CARS2: variants seen among roughly 807,000 people sequenced by gnomAD.
The protein encoded by CARS2 is probable cysteine--tRNA ligase, mitochondrial.
CARS2 carries 52 observed loss-of-function variants against 68.8 expected under a neutral mutation model. The observed-to-expected ratio is 0.76, with a 90% CI of 0.61 to 0.95. The LOEUF (loss-of-function observed/expected upper bound fraction) is 0.95. Among genes scored for constraint, CARS2 ranks in the 40% least tolerant of loss-of-function variants. The pLI, the probability that CARS2 is intolerant of heterozygous loss-of-function variation, is 0.00. For synonymous variants in CARS2, 314 were observed against 303.6 expected (o/e 1.03, Z -0.36); for missense variants, 780 against 754.2 (o/e 1.03, Z -0.40).
intron 5 of CARS2, among the ~76,000 whole-genome samples, chr13:110,686,614 T>C (rs1275760164): frequency 2.0e-5 from 3 of 152,026 alleles, no homozygotes; most frequent in Non-Finnish European, 4.4e-5. Flanking sequence ...TGGAGTACAA[T>C]GGTGTGATCT....
intron 12 of CARS2, chr13:110,645,731 A>AG (rs964766255): frequency 1.3e-5 from 6 of 471,598 alleles, no homozygotes; most frequent in African/African-American, 1.2e-4. Context: ...TCTCAGCCTC[A>AG]GGGGCTCCTG....
At chr13:110,642,587 C>T (rs750656672) in intron 13 of CARS2, 66 bp from the exon 14 acceptor site, 12 of 1,501,054 alleles carry the variant, frequency 8.0e-6, no homozygotes, top group Admixed American at 3.3e-5. Context: ...CCTCCCCACC[C>T]CGTGGTTGGG....
intron 3 of CARS2, among the ~76,000 whole-genome samples, chr13:110,695,583 G>A (rs968687895): frequency 1.2e-4 from 19 of 152,068 alleles, no homozygotes; most frequent in Admixed American, 2.6e-4. Flanking sequence ...AGGAACTTCC[G>A]GCACAGGCTG....
rs758758975 is a variant in CARS2 at position 110,687,832 on chromosome 13, AG to A, written c.466-7del. 1.9e-6 allele frequency: 3 copies of A among 1,594,480 alleles called. No homozygotes were observed. In the South Asian group the frequency reaches 3.3e-5, roughly 18 times the overall value. On this transcript the variant is annotated splice_polypyrimidine_tract_variant and splice_region_variant and intron_variant, in intron 4 of 14. Coordinates refer to ENST00000257347, the MANE Select transcript of CARS2 (RefSeq NM_024537.4). ...TACACCGTGGGTGGGAGAACCTGCA[AG>A]GAAGTGGAGACGTGACCGTGTTTCC... is the stretch of plus-strand genomic sequence containing the variant.
chr13:110,701,670 G>T, intron 2 of CARS2, 115 bp from the exon 3 acceptor site: 1 of 660,558 alleles, frequency 1.5e-6, no homozygotes, highest in Non-Finnish European at 2.8e-6. Flanking sequence ...GTAGCACAAT[G>T]GACAGGTCAG....
chr13:110,644,565 A>C (rs1448963822), intron 12 of CARS2, 82 bp from the exon 13 acceptor site: 38 of 1,575,880 alleles, frequency 2.4e-5, no homozygotes, highest in Non-Finnish European at 2.4e-5. Flanking sequence ...CAAAAGACAA[A>C]GGCTTCAGCA....
chr13:110,712,993 A>G lies in CARS2; in HGVS notation n.399+144T>C, dbSNP rs960595345. On this transcript the variant is annotated intron_variant and non_coding_transcript_variant, in intron 1 of 2. Transcript: ENST00000485188. ...CGCGGAATGGGTAGGTCTCCCGCGCACTCTGCGGCCGCAGCTCAAAGGACA... is the reference window on the plus strand; with the variant it reads ...CGCGGAATGGGTAGGTCTCCCGCGCGCTCTGCGGCCGCAGCTCAAAGGACA... 5.2e-6 allele frequency: 8 copies of G among 1,547,546 alleles called. No individual in the cohort carries two copies. In the African/African-American group the frequency reaches 5.5e-5, roughly 11 times the overall value.
At chr13:110,664,992 G>C (rs888056556) in intron 8 of CARS2, 1 of 984,978 alleles carries the variant, frequency 1.0e-6, no homozygotes, top group Non-Finnish European at 1.2e-6. Flanking sequence ...TAACAGGCTG[G>C]GATAGTGTCT....
At chr13:110,691,355 T>C (rs1188304540) in intron 3 of CARS2, among the ~76,000 whole-genome samples, 2 of 152,224 alleles carry the variant, frequency 1.3e-5, no homozygotes, top group Non-Finnish European at 2.9e-5. Flanking sequence ...CTTTTATCGC[T>C]GATATAATTT....
At chr13:110,694,636 C>CAAAACA (rs1566340832) in intron 3 of CARS2, among the ~76,000 whole-genome samples, 3 of 151,764 alleles carry the variant, frequency 2.0e-5, no homozygotes. Flanking sequence ...GACCCTGTCT[C>CAAAACA]AAAACAAAAA....
intron 6 of CARS2, 109 bp downstream of exon 6, chr13:110,682,942 G>A: frequency 1.6e-6 from 1 of 629,812 alleles, no homozygotes; most frequent in African/African-American, 1.9e-5. Flanking sequence ...ACCTGGGTAA[G>A]GCCAGTGTCT....
At chr13:110,693,486 A>G (rs1331187478) in intron 3 of CARS2, among the ~76,000 whole-genome samples, 1 of 151,984 alleles carries the variant, frequency 6.6e-6, no homozygotes, top group Non-Finnish European at 1.5e-5. Context: ...CAGCCTCCCG[A>G]GTAGCTGGGA....
intron 7 of CARS2, among the ~76,000 whole-genome samples, chr13:110,673,916 A>C (rs1348950826): frequency 1.3e-5 from 2 of 152,260 alleles, no homozygotes; most frequent in East Asian, 3.8e-4. Flanking sequence ...CCTGTACACC[A>C]ATAACAGACA....
Position 110,691,295 on chromosome 13 carries a change from T to A in CARS2, c.394-3277A>T, listed in dbSNP as rs1457038162. Among the ~76,000 whole-genome samples the A allele has an allele frequency of 3.3e-5, 5 of 152,214 alleles. No homozygotes were observed. The East Asian group carries it at 9.6e-4, about 29-fold the overall frequency. On this transcript the variant is annotated intron_variant, in intron 3 of 14. Coordinates refer to ENST00000257347, the MANE Select transcript of CARS2 (RefSeq NM_024537.4). ...CCTCCTGAAGTGCTGGGATTACAGA[T>A]GTGAGTCACCGTGCCAGGCCGGAAG...
Position 110,665,200 on chromosome 13 carries a change from A to G in CARS2, c.920-1682T>C, listed in dbSNP as rs1445306343. 1.0e-6 allele frequency: 1 copy of G among 973,714 alleles called. No individual in the cohort carries two copies. The highest frequency in any genetic ancestry group is 1.2e-6 in the Non-Finnish European group (1 of 819,298). 60.3% of individuals were successfully genotyped at this position (973,714 alleles called of 1,614,324 possible). On this transcript the variant is annotated intron_variant, in intron 8 of 14. Coordinates refer to ENST00000257347, the MANE Select transcript of CARS2 (RefSeq NM_024537.4). The surrounding 1 kb of genome is among the most constrained non-coding windows in gnomAD (Gnocchi z 4.3). Reference sequence around the variant, plus strand: ...AGTGGCTCACGCCTATAATCCCAGCACTTTGGGAGGCAGAGGTGGCAGATC... The same window carrying G: ...AGTGGCTCACGCCTATAATCCCAGCGCTTTGGGAGGCAGAGGTGGCAGATC...
intron 6 of CARS2, among the ~76,000 whole-genome samples, chr13:110,678,625 A>G (rs943439037): frequency 6.6e-5 from 10 of 152,228 alleles, no homozygotes; most frequent in African/African-American, 2.4e-4. Context: ...GAGCATCAAT[A>G]ACACCTTATG....
chr13:110,685,056 C>G (rs181625266), intron 5 of CARS2, among the ~76,000 whole-genome samples: 2 of 152,174 alleles, frequency 1.3e-5, no homozygotes, highest in African/African-American at 4.8e-5. Flanking sequence ...CCTAAAGACT[C>G]GTGAACATTT....
rs1311986858 is a variant in CARS2, at chr13:110,670,120, C to T, written c.786-2647G>A. ...GGAGGCCTGCCCACCTCTGTAGACT[C>T]CACCTCTGGGGACAGGGCATAGCTG... is the stretch of plus-strand genomic sequence containing the variant. On this transcript the variant is annotated intron_variant, in intron 7 of 14. Transcript: ENST00000257347. The surrounding 1 kb of genome is among the most constrained non-coding windows in gnomAD (Gnocchi z 4.1). 1.3e-5 allele frequency among the ~76,000 whole-genome samples: 2 copies of T among 152,210 alleles called. No homozygotes were observed. Among genetic ancestry groups the T allele is most frequent in the Non-Finnish European group, 2.9e-5 (2 of 68,040 alleles).
Position 110,677,066 on chromosome 13 carries a change from C to T in CARS2, c.693G>A (p.Leu231=). 1 of 1,611,050 alleles carries T rather than the reference C, an allele frequency of 6.2e-7. No individual in the cohort carries two copies. Among genetic ancestry groups the T allele is most frequent in the African/African-American group, 1.3e-5 (1 of 74,954 alleles). The part of the protein sequence containing the change: ...SDKRHASDFA[L]WKAAKPQEVF... ...CCTCCTGGGGTTTGGCCGCCTTCCACAGGGCGAAGTCACTGGCATGACGCT... is the reference window on the plus strand; with the variant it reads ...CCTCCTGGGGTTTGGCCGCCTTCCATAGGGCGAAGTCACTGGCATGACGCT... Residue 231 remains leucine (L), a synonymous_variant, in exon 7 of 15, where the codon CTG becomes CTA. Transcript: ENST00000257347.
Sources: gnomAD v4.1 joint callset for allele counts (sites outside exome capture counted in the v4.1 genomes callset) on GRCh38, gnomAD v4.1.1 for gene constraint, Gnocchi (gnomAD v3.1) non-coding constraint, MANE v1.5 for transcripts, NCBI Gene and HGNC (gene_info 2026-07-23, HGNC 2026-07-21) for gene names.